The following TAS2R1 variants were observed in gnomAD, a reference collection of about 807,000 sequenced individuals.
The protein encoded by TAS2R1 is taste receptor type 2 member 1.
For synonymous variants in TAS2R1, 141 were observed against 134.2 expected, an observed-to-expected ratio of 1.05 and a Z score of -0.35; for missense variants, 370 against 353.4, an observed-to-expected ratio of 1.05 and a Z score of -0.38.
the TAS2R1 span, among the ~76,000 whole-genome samples, chr5:9,846,623 A>G: frequency 6.6e-6 from 1 of 152,270 alleles, no homozygotes; most frequent in East Asian, 1.9e-4. Context: ...TCTTATGAGA[A>G]CTGCATTTAG....
At chr5:9,878,137 C>T in the TAS2R1 span, among the ~76,000 whole-genome samples, 18 of 152,198 alleles carry the variant, frequency 1.2e-4, no homozygotes, top group East Asian at 3.5e-3. Flanking sequence ...TTCATGGGTT[C>T]AGAAAACAAA....
intron 1 of TAS2R1, among the ~76,000 whole-genome samples, chr5:9,677,022 T>C (rs1379008115): frequency 1.3e-5 from 2 of 152,154 alleles, no homozygotes; most frequent in Non-Finnish European, 2.9e-5. Flanking sequence ...CTATCAGTGA[T>C]AGACTGGATA....
intron 1 of TAS2R1, among the ~76,000 whole-genome samples, chr5:9,686,191 G>A (rs577353719): frequency 3.3e-5 from 5 of 152,220 alleles, no homozygotes; most frequent in African/African-American, 7.2e-5. Context: ...AGCTGCGATC[G>A]GATGACCCTG....
At chr5:9,644,817 G>A (rs566164122) in intron 2 of TAS2R1, among the ~76,000 whole-genome samples, 8 of 152,244 alleles carry the variant, frequency 5.3e-5, no homozygotes, top group Non-Finnish European at 1.0e-4. Flanking sequence ...ATGCCCTGAC[G>A]AGAGCAGAGT....
At chr5:9,787,766 G>C in the TAS2R1 span, among the ~76,000 whole-genome samples, 1 of 152,208 alleles carries the variant, frequency 6.6e-6, no homozygotes, top group Non-Finnish European at 1.5e-5. Flanking sequence ...CTCTGAAAAA[G>C]AGGACCCCAG....
At chr5:9,808,951 A>C in the TAS2R1 span, among the ~76,000 whole-genome samples, 1 of 152,182 alleles carries the variant, frequency 6.6e-6, no homozygotes, top group Non-Finnish European at 1.5e-5. Context: ...TGTGAGAATG[A>C]TGCTGCCATC....
chr5:9,690,621 A>G (rs1280688702), intron 1 of TAS2R1, among the ~76,000 whole-genome samples: 2 of 151,878 alleles, frequency 1.3e-5, no homozygotes, highest in African/African-American at 4.8e-5. Context: ...GAGGGGGGGA[A>G]AAAAGTGTGA....
At chr5:9,638,446 C>A (rs143589307) in intron 2 of TAS2R1, among the ~76,000 whole-genome samples, 49 of 152,316 alleles carry the variant, frequency 3.2e-4, no homozygotes, top group African/African-American at 1.2e-3. Flanking sequence ...AGACTCAGGG[C>A]CTCTGCTTAG....
chr5:9,760,525 G>A, the TAS2R1 span, among the ~76,000 whole-genome samples: 2 of 152,196 alleles, frequency 1.3e-5, no homozygotes, highest in Admixed American at 1.3e-4. Context: ...AGGTATGCAA[G>A]GCTGTTTCAA....
chr5:9,635,913 T>C (rs1197915944), intron 2 of TAS2R1, among the ~76,000 whole-genome samples: 2 of 152,032 alleles, frequency 1.3e-5, no homozygotes, highest in East Asian at 1.9e-4. Context: ...ATCTTTTTTG[T>C]TGTTTTTGTT....
chr5:9,701,241 C>T (rs1029520547), intron 1 of TAS2R1, among the ~76,000 whole-genome samples: 2 of 146,492 alleles, frequency 1.4e-5, no homozygotes, highest in African/African-American at 5.2e-5. Flanking sequence ...CACACACACA[C>T]ACACACACAC....
chr5:9,852,331 C>CAAT, the TAS2R1 span, among the ~76,000 whole-genome samples: 21 of 151,630 alleles, frequency 1.4e-4, no homozygotes, highest in African/African-American at 5.1e-4. Context: ...CTGTAGATCA[C>CAAT]AAGAGTGTCC....
chr5:9,679,003 C>A (rs1019263054), intron 1 of TAS2R1, among the ~76,000 whole-genome samples: 4 of 152,130 alleles, frequency 2.6e-5, no homozygotes, highest in Non-Finnish European at 5.9e-5. Context: ...GCACTGCACC[C>A]AGAAAATCAA....
chr5:9,871,060 TC>T, the TAS2R1 span, among the ~76,000 whole-genome samples: 77 of 152,318 alleles, frequency 5.1e-4, no homozygotes, highest in African/African-American at 1.7e-3. Context: ...GATCAGCCTG[TC>T]TCTGTTAGAT....
chr5:9,761,097 G>A, the TAS2R1 span: 2 of 152,110 alleles, frequency 1.3e-5, no homozygotes, highest in East Asian at 1.9e-4. Flanking sequence ...CAAGGTCATA[G>A]GATATAAGGT....
At chr5:9,634,194 T>C (rs1395122074), upstream of TAS2R1, among the ~76,000 whole-genome samples, 1 of 152,002 alleles carries the variant, frequency 6.6e-6, no homozygotes, top group Non-Finnish European at 1.5e-5. Context: ...TTGTTGAATA[T>C]GGTGTCCTTT....
chr5:9,873,189 C>T, the TAS2R1 span, among the ~76,000 whole-genome samples: 70 of 152,264 alleles, frequency 4.6e-4, no homozygotes, highest in Middle Eastern at 3.4e-3. Context: ...CAGGCCCCCA[C>T]GCTGCACTAG....
At chr5:9,824,794 C>A in the TAS2R1 span, among the ~76,000 whole-genome samples, 1 of 142,792 alleles carries the variant, frequency 7.0e-6, no homozygotes, top group East Asian at 2.1e-4. Context: ...TTGCAGCGAG[C>A]CAAGATCATG....
At chr5:9,631,341 G>T (rs1739869400), upstream of TAS2R1, among the ~76,000 whole-genome samples, 1 of 152,292 alleles carries the variant, frequency 6.6e-6, no homozygotes, top group Non-Finnish European at 1.5e-5. Flanking sequence ...CTGGACTCAG[G>T]TAATCCTCCT....
Sources: gnomAD v4.1 joint callset for allele counts (sites outside exome capture counted in the v4.1 genomes callset) on GRCh38, gnomAD v4.1.1 for gene constraint, MANE v1.5 for transcripts, NCBI Gene and HGNC (gene_info 2026-07-23, HGNC 2026-07-21) for gene names.